Variants in HIVEP2 observed in about 807,000 individuals in gnomAD.
HIVEP2 encodes the protein HIVEP zinc finger 2.
Under a neutral mutation model 180.7 loss-of-function variants are expected in HIVEP2, and 14 were observed. The ratio of observed to expected loss-of-function variants is 0.08; its 90% CI spans 0.05 to 0.12. HIVEP2 has a LOEUF of 0.12. Ranked by LOEUF, HIVEP2 falls within the 10% of genes least tolerant of loss-of-function variation. The probability of loss-of-function intolerance (pLI) is 1.00; values close to 1 mark genes in which losing one functional copy is unlikely to be tolerated. For missense variants in HIVEP2, 2,579 were observed against 3,008.5 expected, an observed-to-expected ratio of 0.86 and a Z score of 3.34; for synonymous variants, 1,184 against 1,136.4, an observed-to-expected ratio of 1.04 and a Z score of -0.84.
At chr6:142,851,337 T>C (rs1775667287) in intron 1 of HIVEP2, among the ~76,000 whole-genome samples, 1 of 152,218 alleles carries the variant, frequency 6.6e-6, no homozygotes, top group Non-Finnish European at 1.5e-5. Context: ...CTATAAGATG[T>C]AGCAAATAGT....
intron 1 of HIVEP2, among the ~76,000 whole-genome samples, chr6:142,926,699 C>T (rs1210199930): frequency 6.6e-6 from 1 of 152,158 alleles, no homozygotes; most frequent in Non-Finnish European, 1.5e-5. Context: ...CCCTGACCCC[C>T]GGGCTTTTCC....
chr6:142,868,531 A>T (rs1270240304), intron 1 of HIVEP2, among the ~76,000 whole-genome samples: 1 of 152,204 alleles, frequency 6.6e-6, no homozygotes, highest in Non-Finnish European at 1.5e-5. Flanking sequence ...TCTTCAGCTC[A>T]TGTTGCACAA....
At chr6:142,855,648 T>C (rs1775801312) in intron 1 of HIVEP2, among the ~76,000 whole-genome samples, 1 of 152,218 alleles carries the variant, frequency 6.6e-6, no homozygotes, top group Non-Finnish European at 1.5e-5. Flanking sequence ...AGATAGGTTT[T>C]GTTCATGGAT....
intron 2 of HIVEP2, among the ~76,000 whole-genome samples, chr6:142,801,145 C>G (rs552339046): frequency 6.9e-6 from 1 of 145,730 alleles, no homozygotes; most frequent in African/African-American, 2.6e-5. Flanking sequence ...AAGAGAGGAC[C>G]TTTCCCAGGG....
At chr6:142,849,541 G>T (rs742242) in intron 1 of HIVEP2, among the ~76,000 whole-genome samples, 66 of 151,574 alleles carry the variant, frequency 4.4e-4, no homozygotes, top group African/African-American at 1.6e-3. Context: ...TTGAGACAAG[G>T]TCTTGCTCTA....
chr6:142,764,591 A>G (rs1194288643), intron 7 of HIVEP2, among the ~76,000 whole-genome samples: 1 of 152,222 alleles, frequency 6.6e-6, no homozygotes, highest in Non-Finnish European at 1.5e-5. Context: ...ACCTATGTCT[A>G]CTGCTCTTAA....
At position 142,869,871 on chromosome 6, in the gene HIVEP2, A is replaced by AC. The variant is rs569673362; in HGVS notation, c.-640-32825dup. Reference sequence around the variant, plus strand: ...ATTAATACTATTAATCTTGTAAAACACACACATGTTCAACCATTAGATAGG... The same window carrying AC: ...ATTAATACTATTAATCTTGTAAAACACCACACATGTTCAACCATTAGATAGG... On this transcript the variant is annotated intron_variant, in intron 1 of 9. Coordinates refer to ENST00000367603, the MANE Select transcript of HIVEP2 (RefSeq NM_006734.4). Among the ~76,000 whole-genome samples the AC allele has an allele frequency of 2.1e-3, 313 of 152,270 alleles. 1 individual carries two copies. Among genetic ancestry groups the AC allele is most frequent in the Admixed American group, 6.2e-3 (95 of 15,286 alleles).
chr6:142,868,733 T>C (rs78419932), intron 1 of HIVEP2, among the ~76,000 whole-genome samples: 93 of 152,320 alleles, frequency 6.1e-4, no homozygotes, highest in African/African-American at 2.2e-3. Context: ...ATATATCTAT[T>C]TTGAAAGAAA....
intron 1 of HIVEP2, among the ~76,000 whole-genome samples, chr6:142,900,539 T>C (rs1357475464): frequency 6.6e-6 from 1 of 152,164 alleles, no homozygotes; most frequent in East Asian, 1.9e-4. Flanking sequence ...TAAACAGCTC[T>C]CCCTGGAATA....
intron 2 of HIVEP2, among the ~76,000 whole-genome samples, chr6:142,830,783 T>A (rs577001687): frequency 2.6e-5 from 4 of 152,136 alleles, no homozygotes; most frequent in African/African-American, 9.7e-5. Context: ...AAAAGTGATA[T>A]TCAAACTCCA....
intron 2 of HIVEP2, among the ~76,000 whole-genome samples, chr6:142,799,754 G>C (rs1336081508): frequency 6.6e-6 from 1 of 152,144 alleles, no homozygotes. Context: ...GCAAACTAGT[G>C]ACATCAAACA....
chr6:142,761,490 A>G lies in HIVEP2; in HGVS notation c.5594T>C (p.Val1865Ala). The G allele has an allele frequency of 6.2e-7, 1 of 1,601,914 alleles. No individual in the cohort carries two copies. Among genetic ancestry groups the G allele is most frequent in the Non-Finnish European group, 8.6e-7 (1 of 1,169,068 alleles). Residue 1865 changes from valine to alanine, a missense_variant, in exon 8 of 10, where the codon GTG becomes GCG. Physicochemically the swap from Val to Ala is moderately conservative, Grantham distance 64. Coordinates refer to ENST00000367603, the MANE Select transcript of HIVEP2 (RefSeq NM_006734.4). ...TGCTTCCTCAGTTTCTGTATCATCC[A>G]CCGATGTCATTGAGACTCCCAATTC... Reference protein sequence around the residue: ...CLELGVSMTSVDDTETEEAEN... With the variant: ...CLELGVSMTSADDTETEEAEN...
intron 9 of HIVEP2, among the ~76,000 whole-genome samples, chr6:142,757,627 C>T (rs1166130292): frequency 6.6e-6 from 1 of 152,114 alleles, no homozygotes; most frequent in Non-Finnish European, 1.5e-5. Context: ...CACTGCACTC[C>T]AGCCTGGCGA....
intron 2 of HIVEP2, among the ~76,000 whole-genome samples, chr6:142,794,279 C>T (rs148878406): frequency 6.6e-6 from 1 of 152,120 alleles, no homozygotes; most frequent in Non-Finnish European, 1.5e-5. Context: ...TGTACACAAA[C>T]AAACACACAG....
At chr6:142,923,051 A>C (rs2128435178) in intron 1 of HIVEP2, among the ~76,000 whole-genome samples, 2 of 152,352 alleles carry the variant, frequency 1.3e-5, no homozygotes, top group Middle Eastern at 6.8e-3. Flanking sequence ...TTAAATATTT[A>C]GGCCAGGCGC....
At chr6:142,789,651 C>T (rs1022747397) in intron 2 of HIVEP2, among the ~76,000 whole-genome samples, 1 of 152,194 alleles carries the variant, frequency 6.6e-6, no homozygotes, top group Non-Finnish European at 1.5e-5. Flanking sequence ...TTCTGGTCTA[C>T]AGCTTAGGTC....
intron 1 of HIVEP2, among the ~76,000 whole-genome samples, chr6:142,883,729 C>T (rs1289832733): frequency 2.6e-5 from 4 of 152,054 alleles, no homozygotes; most frequent in Non-Finnish European, 4.4e-5. Flanking sequence ...ACAATGAAAT[C>T]GACATAAACA....
At position 142,943,097 on chromosome 6, in the gene HIVEP2, C is replaced by T. The variant is rs553190255; in HGVS notation, c.-641+2002G>A. Among the ~76,000 whole-genome samples the T allele has an allele frequency of 9.9e-5, 15 of 152,250 alleles. No homozygotes were observed. The highest frequency in any genetic ancestry group is 3.6e-4 in the African/African-American group (15 of 41,534). On this transcript the variant is annotated intron_variant, in intron 1 of 9. Coordinates refer to ENST00000367603, the MANE Select transcript of HIVEP2 (RefSeq NM_006734.4). The surrounding 1 kb of genome is among the most constrained non-coding windows in gnomAD (Gnocchi z 4.5). ...GTACAGTTGTCATTTGGTACTATGA[C>T]TCCTTAGGGTTCCACAGGGAATTTT...
chr6:142,794,512 A>G (rs1776235335), intron 2 of HIVEP2, among the ~76,000 whole-genome samples: 4 of 152,192 alleles, frequency 2.6e-5, no homozygotes, highest in Admixed American at 2.6e-4. Flanking sequence ...AATATAACAG[A>G]AAAGGTACAT....
Sources: gnomAD v4.1 joint callset for allele counts (sites outside exome capture counted in the v4.1 genomes callset) on GRCh38, gnomAD v4.1.1 for gene constraint, Gnocchi (gnomAD v3.1) non-coding constraint, MANE v1.5 for transcripts, NCBI Gene and HGNC (gene_info 2026-07-23, HGNC 2026-07-21) for gene names.